Variants in MDM2 observed in about 807,000 individuals in gnomAD.
MDM2 encodes MDM2 proto-oncogene.
Under a neutral mutation model 64.3 loss-of-function variants are expected in MDM2, and 11 were observed. The observed-to-expected ratio is 0.17, with a 90% CI of 0.11 to 0.28. MDM2 has a LOEUF of 0.28. Ranked by LOEUF, MDM2 falls within the 10% of genes least tolerant of loss-of-function variation. The pLI is 1.00. For synonymous variants in MDM2, 194 were observed against 192.9 expected, an observed-to-expected ratio of 1.01 and a Z score of -0.05; for missense variants, 388 against 577.1, an observed-to-expected ratio of 0.67 and a Z score of 3.36.
At chr12:68,835,753 C>T (rs1048214690) in intron 8 of MDM2, 76 bp from the exon 9 acceptor site, 7 of 1,399,452 alleles carry the variant, frequency 5.0e-6, no homozygotes, top group Non-Finnish European at 6.8e-6. Flanking sequence ...AGCAGAGGCA[C>T]AGGGATGAGT....
intron 8 of MDM2, among the ~76,000 whole-genome samples, chr12:68,833,269 ATATT>A (rs1229568632): frequency 3.4e-5 from 3 of 88,702 alleles, no homozygotes; most frequent in Non-Finnish European, 8.3e-5. Context: ...ATATAATTAT[ATATT>A]TATATAAATA....
Position 68,842,133 on chromosome 12 carries a change from A to G in MDM2, c.*2284A>G. On this transcript the variant is annotated 3_prime_UTR_variant, in exon 11 of 11. Transcript: ENST00000258149. ...CAGTGGATTTGAATTTGAAAAATAT[A>G]GTAACAAGCCTGTCAAATATCTGCA... 2.3e-6 allele frequency: 1 copy of G among 441,238 alleles called. No individual in the cohort carries two copies. The highest frequency in any genetic ancestry group is 4.4e-6 in the Non-Finnish European group (1 of 228,814). The allele number at this position is 441,238 out of a possible 1,614,324, so 27.3% of individuals were successfully genotyped here.
intron 8 of MDM2, 32 bp downstream of exon 8, chr12:68,828,963 C>G (rs368259878): frequency 6.2e-7 from 1 of 1,608,014 alleles, no homozygotes; most frequent in Admixed American, 1.7e-5. Context: ...AGGCAAGACT[C>G]TTACTGTTCA....
At position 68,839,734 on chromosome 12, in the gene MDM2, A is replaced by G. The variant is rs993369688; in HGVS notation, c.1379A>G (p.Lys460Arg). Residue 460 changes from lysine (K) to arginine (R), a missense_variant, in exon 11 of 11, where the codon AAA (lysine) becomes AGA (arginine). Physicochemically the swap from Lys to Arg is conservative, Grantham distance 26 (BLOSUM62 2). Coordinates refer to ENST00000258149, the MANE Select transcript of MDM2 (RefSeq NM_002392.6). ...AAAAATGGTTGCATTGTCCATGGCA[A>G]AACAGGACATCTTATGGCCTGCTTT... ...RPKNGCIVHGKTGHLMACFTC... is the reference protein window; with the variant it reads ...RPKNGCIVHGRTGHLMACFTC... 1.9e-6 allele frequency: 3 copies of G among 1,613,932 alleles called. No homozygotes were observed. The African/African-American group carries it at 4.0e-5, about 22-fold the overall frequency.
chr12:68,836,638 C>T lies in MDM2; in HGVS notation c.841-34C>T, dbSNP rs529075332. 5.9e-5 allele frequency: 85 copies of T among 1,441,628 alleles called. 1 individual carries two copies. The Middle Eastern group carries it at 7.0e-4, about 12-fold the overall frequency. The allele number at this position is 1,441,628 out of a possible 1,614,324, so 89.3% of individuals were successfully genotyped here. A position where few individuals can be genotyped will look rare whatever the true frequency, so the allele number is the denominator to read the frequency against. On this transcript the variant is annotated intron_variant, in intron 9 of 10. Transcript: ENST00000258149. ...AGCCTTCTGATTGAAGGAAATAGGG[C>T]GATGAATTGATGCTAATGAATGTGT...
intron 8 of MDM2, among the ~76,000 whole-genome samples, chr12:68,833,312 A>ATATATTT (rs1555187833): frequency 1.6e-4 from 10 of 62,022 alleles, no homozygotes; most frequent in African/African-American, 7.5e-4. Context: ...TAAATATAAA[A>ATATATTT]ATATAATTAT....
At chr12:68,831,573 T>C (rs1882801068) in intron 8 of MDM2, among the ~76,000 whole-genome samples, 1 of 152,210 alleles carries the variant, frequency 6.6e-6, no homozygotes, top group South Asian at 2.1e-4. Context: ...TGCATTTGCA[T>C]CTTAAAGGTT....
chr12:68,818,757 T>C (rs1247035271), intron 4 of MDM2, among the ~76,000 whole-genome samples: 1 of 151,720 alleles, frequency 6.6e-6, no homozygotes, highest in South Asian at 2.1e-4. Context: ...TTGAATCTTC[T>C]ATTTTTTTTC....
chr12:68,820,258 C>T (rs2136128314), intron 4 of MDM2, 67 bp from the exon 5 acceptor site: 1 of 1,215,718 alleles, frequency 8.2e-7, no homozygotes, highest in Non-Finnish European at 1.2e-6. Flanking sequence ...TGGTTAGATC[C>T]AGCTTAATAC....
At chr12:68,828,576 ACAAT>A (rs933650109) in intron 7 of MDM2, 191 bp from the exon 8 acceptor site, 37 of 494,516 alleles carry the variant, frequency 7.5e-5, no homozygotes, top group Middle Eastern at 5.8e-4. Context: ...CCTTTCTCAG[ACAAT>A]AAATAAATAA....
At chr12:68,832,717 G>C (rs1481249411) in intron 8 of MDM2, among the ~76,000 whole-genome samples, 1 of 151,086 alleles carries the variant, frequency 6.6e-6, no homozygotes, top group African/African-American at 2.4e-5. Context: ...TGAGATCTTG[G>C]CCTGTTGCCC....
intron 7 of MDM2, among the ~76,000 whole-genome samples, chr12:68,826,158 A>T (rs1175291301): frequency 3.9e-5 from 6 of 152,090 alleles, no homozygotes; most frequent in Admixed American, 1.3e-4. Flanking sequence ...GGAGAGGGTG[A>T]ATTTTGGTGA....
intron 8 of MDM2, among the ~76,000 whole-genome samples, chr12:68,832,626 C>T (rs548516834): frequency 6.6e-6 from 1 of 152,156 alleles, no homozygotes; most frequent in South Asian, 2.1e-4. Context: ...ATCCTTCCTC[C>T]TCAGCCTTGA....
At chr12:68,820,416 G>A (rs577010303) in intron 5 of MDM2, 42 bp downstream of exon 5, 24 of 1,479,688 alleles carry the variant, frequency 1.6e-5, no homozygotes, top group East Asian at 1.4e-4. Flanking sequence ...CCATAAAAAC[G>A]TTTTAAAGAC....
In MDM2 at chr12:68,842,409, T is replaced by G. The variant is rs1883850691; in HGVS notation, c.*2560T>G. 4.2e-6 allele frequency: 2 copies of G among 477,466 alleles called. No homozygotes were observed. The highest frequency in any genetic ancestry group is 8.3e-6 in the Non-Finnish European group (2 of 240,904). 29.6% of individuals were successfully genotyped at this position (477,466 alleles called of 1,614,324 possible). A position where few individuals can be genotyped will look rare whatever the true frequency, so the allele number is the denominator to read the frequency against. On this transcript the variant is annotated 3_prime_UTR_variant, in exon 11 of 11. Coordinates refer to ENST00000258149, the MANE Select transcript of MDM2 (RefSeq NM_002392.6). ...CTAAAAATCTCATTATCTATAACCA[T>G]TTCTATATTTACATTTGAAAATCTC...
At chr12:68,813,478 A>T (rs541647114) in intron 2 of MDM2, 76 bp from the exon 3 acceptor site, 4 of 947,294 alleles carry the variant, frequency 4.2e-6, no homozygotes, top group Non-Finnish European at 5.0e-6. Flanking sequence ...ATTGAACTTG[A>T]TGGATATGTT....
chr12:68,829,024 T>C, intron 8 of MDM2, 93 bp downstream of exon 8: 1 of 1,229,758 alleles, frequency 8.1e-7, no homozygotes, highest in African/African-American at 1.5e-5. Flanking sequence ...TGTACATGTG[T>C]CTTACGAGAT....
chr12:68,811,103 G>C (rs55956268), intron 2 of MDM2, among the ~76,000 whole-genome samples: 339 of 152,064 alleles, frequency 2.2e-3, no homozygotes, highest in Middle Eastern at 0.017. Flanking sequence ...AACTTCAGGT[G>C]ATCTGCCTGC....
chr12:68,831,306 C>T (rs752515502), intron 8 of MDM2, among the ~76,000 whole-genome samples: 2 of 152,152 alleles, frequency 1.3e-5, no homozygotes, highest in African/African-American at 2.4e-5. Flanking sequence ...TACATTCTGA[C>T]AATACTAGCC....
Sources: allele counts gnomAD v4.1 joint callset (sites outside exome capture counted in the v4.1 genomes callset), GRCh38; gene constraint gnomAD v4.1.1; transcripts MANE v1.5; gene names NCBI Gene and HGNC (gene_info 2026-07-23, HGNC 2026-07-21).